Variants in ITSN1 observed in about 807,000 individuals in gnomAD.
The protein encoded by ITSN1 is intersectin-1.
ITSN1 carries 58 observed loss-of-function variants against 239.8 expected under a neutral mutation model. That is an observed-to-expected ratio of 0.24 (90% CI 0.20 to 0.30). The LOEUF is 0.30. Among genes scored for constraint, ITSN1 ranks in the 10% least tolerant of loss-of-function variants. The pLI is 1.00. For synonymous variants in ITSN1, 780 were observed against 770.8 expected, an observed-to-expected ratio of 1.01 and a Z score of -0.20; for missense variants, 1,558 against 2,103.3, an observed-to-expected ratio of 0.74 and a Z score of 5.07.
chr21:33,884,440 G>T (rs1985452295), intron 36 of ITSN1, among the ~76,000 whole-genome samples: 1 of 152,176 alleles, frequency 6.6e-6, no homozygotes, highest in East Asian at 1.9e-4. Flanking sequence ...TCAAGACACT[G>T]CCCTGGAGCC....
In ITSN1 at chr21:33,888,505, G is replaced by T. The variant is rs1986116864; in HGVS notation, c.*205G>T. 1 of 577,488 alleles carries T rather than the reference G, an allele frequency of 1.7e-6. No homozygotes were observed. The allele number at this position is 577,488 out of a possible 1,614,324, so 35.8% of individuals were successfully genotyped here. Reference sequence around the variant, plus strand: ...ACAATTTCCTGTTTCATGAAACAAAGCTGTGTTTTCCTTTGTCCTCACTAC... The same window carrying T: ...ACAATTTCCTGTTTCATGAAACAAATCTGTGTTTTCCTTTGTCCTCACTAC... On this transcript the variant is annotated 3_prime_UTR_variant, in exon 40 of 40. Transcript: ENST00000381318.
At chr21:33,803,717 TA>T (rs2072193282) in intron 20 of ITSN1, among the ~76,000 whole-genome samples, 1 of 152,234 alleles carries the variant, frequency 6.6e-6, no homozygotes, top group South Asian at 2.1e-4. Context: ...TTCATTTTTA[TA>T]AATGTATCTA....
chr21:33,706,684 A>C (rs1286653875), intron 1 of ITSN1, among the ~76,000 whole-genome samples: 1 of 152,152 alleles, frequency 6.6e-6, no homozygotes, highest in East Asian at 1.9e-4. Context: ...CTGCCACTTA[A>C]CTTGCTCAGA....
At chr21:33,837,011 C>G in intron 29 of ITSN1, 2 of 1,613,582 alleles carry the variant, frequency 1.2e-6, no homozygotes, top group Non-Finnish European at 8.5e-7. Context: ...CCATCCCCCC[C>G]TCAGGCTTGA....
intron 1 of ITSN1, among the ~76,000 whole-genome samples, chr21:33,653,419 C>T (rs2834242): frequency 0.85 from 129,953 of 152,316 alleles, 55,967 homozygotes; most frequent in East Asian, 0.99. Flanking sequence ...TCTAAGACTT[C>T]TATGCTTTTT....
At chr21:33,659,005 G>A (rs2089328040) in intron 1 of ITSN1, among the ~76,000 whole-genome samples, 1 of 152,226 alleles carries the variant, frequency 6.6e-6, no homozygotes, top group South Asian at 2.1e-4. Flanking sequence ...GGGGTGGTCC[G>A]GAGGAAGCAG....
chr21:33,661,744 G>A (rs11088258), intron 1 of ITSN1, among the ~76,000 whole-genome samples: 19,850 of 152,060 alleles, frequency 0.13, 1,471 homozygotes, highest in South Asian at 0.17. Context: ...GGTAGTGAGT[G>A]AGTCTTAGGA....
intron 1 of ITSN1, among the ~76,000 whole-genome samples, chr21:33,668,317 A>G (rs2090051853): frequency 6.6e-6 from 1 of 152,242 alleles, no homozygotes; most frequent in African/African-American, 2.4e-5. Flanking sequence ...AACCTCCCTA[A>G]GAGGGTCACA....
At chr21:33,806,173 T>G (rs1266994317) in intron 20 of ITSN1, among the ~76,000 whole-genome samples, 1 of 128,586 alleles carries the variant, frequency 7.8e-6, no homozygotes, top group Non-Finnish European at 1.9e-5. Flanking sequence ...ATCGCGCCAC[T>G]GCACTCCAGC....
chr21:33,648,049 A>C (rs1269343605), intron 1 of ITSN1, among the ~76,000 whole-genome samples: 1 of 152,182 alleles, frequency 6.6e-6, no homozygotes, highest in Non-Finnish European at 1.5e-5. Context: ...TTATACTCTT[A>C]CCATGGTATA....
At chr21:33,877,070 T>TTTTTTTTTTTTTTTG in intron 34 of ITSN1, among the ~76,000 whole-genome samples, 1 of 144,926 alleles carries the variant, frequency 6.9e-6, no homozygotes, top group Non-Finnish European at 1.5e-5. Flanking sequence ...TTTTTTTTTT[T>TTTTTTTTTTTTTTTG]TGAAATGGAG....
intron 4 of ITSN1, among the ~76,000 whole-genome samples, chr21:33,728,571 G>A (rs1184486602): frequency 6.6e-6 from 1 of 152,074 alleles, no homozygotes; most frequent in East Asian, 1.9e-4. Context: ...CTTGCCTCAG[G>A]GTCATTGTAC....
intron 33 of ITSN1, among the ~76,000 whole-genome samples, chr21:33,874,456 C>T (rs976207750): frequency 6.6e-6 from 1 of 152,100 alleles, no homozygotes; most frequent in Non-Finnish European, 1.5e-5. Flanking sequence ...CCAAGGGCAC[C>T]TGTTGGCTCT....
At chr21:33,675,283 G>A (rs1401035047) in intron 1 of ITSN1, among the ~76,000 whole-genome samples, 1 of 152,120 alleles carries the variant, frequency 6.6e-6, no homozygotes, top group Non-Finnish European at 1.5e-5. Flanking sequence ...CTTGATATGG[G>A]CCGGGCACGG....
intron 29 of ITSN1, among the ~76,000 whole-genome samples, chr21:33,839,040 A>G (rs1304522585): frequency 6.6e-6 from 1 of 152,142 alleles, no homozygotes; most frequent in Non-Finnish European, 1.5e-5. Context: ...AGCTTCACTT[A>G]TTGGACCTCT....
intron 21 of ITSN1, among the ~76,000 whole-genome samples, chr21:33,812,283 G>T (rs1225136810): frequency 6.6e-6 from 1 of 152,088 alleles, no homozygotes. Context: ...TATTTTCCAG[G>T]ATTTGTTTTG....
chr21:33,687,968 T>C (rs2091327030), intron 1 of ITSN1, among the ~76,000 whole-genome samples: 1 of 152,236 alleles, frequency 6.6e-6, no homozygotes, highest in Non-Finnish European at 1.5e-5. Context: ...GATTGTGGCT[T>C]CCAAAATAGC....
At chr21:33,853,163 A>C (rs1978649494) in intron 29 of ITSN1, among the ~76,000 whole-genome samples, 2 of 152,146 alleles carry the variant, frequency 1.3e-5, no homozygotes, top group Non-Finnish European at 2.9e-5. Flanking sequence ...CTCTCCCCAC[A>C]AAACTTTTGC....
At chr21:33,676,585 T>A (rs538870324) in intron 1 of ITSN1, among the ~76,000 whole-genome samples, 1 of 152,342 alleles carries the variant, frequency 6.6e-6, no homozygotes, top group East Asian at 1.9e-4. Flanking sequence ...GTCTGTAGTT[T>A]GTTTTGATGC....
Sources: gnomAD v4.1 joint callset for allele counts (sites outside exome capture counted in the v4.1 genomes callset) on GRCh38, gnomAD v4.1.1 for gene constraint, MANE v1.5 for transcripts, NCBI Gene and HGNC (gene_info 2026-07-23, HGNC 2026-07-21) for gene names.